Variants in ADAP1 observed in about 807,000 individuals in gnomAD.
The protein encoded by ADAP1 is arf-GAP with dual PH domain-containing protein 1.
ADAP1 carries 31 observed loss-of-function variants against 54.9 expected under a neutral mutation model. That is an observed-to-expected ratio of 0.56 (90% CI 0.42 to 0.76). The LOEUF (loss-of-function observed/expected upper bound fraction) is 0.76. Ranked by LOEUF, ADAP1 falls within the 30% of genes least tolerant of loss-of-function variation. The pLI is 0.00. For missense variants in ADAP1, 535 were observed against 512.4 expected, an observed-to-expected ratio of 1.04 and a Z score of -0.42; for synonymous variants, 313 against 202.6, an observed-to-expected ratio of 1.55 and a Z score of -4.63.
At chr7:919,902 G>C (rs1483775100) in intron 4 of ADAP1, 66 bp downstream of exon 4, 1 of 1,243,114 alleles carries the variant, frequency 8.0e-7, no homozygotes, top group South Asian at 1.3e-5. Flanking sequence ...GGAAAGAGAT[G>C]GGGGAGGGAG....
Position 917,690 on chromosome 7 carries a change from G to A in ADAP1, c.388+2278C>T, listed in dbSNP as rs563003970. ...CGTTGACCAGATTGGTCTCGAACTC[G>A]TGGTCTCAAGTGATCCATCCGCCCG... On this transcript the variant is annotated intron_variant, in intron 4 of 10. Coordinates refer to ENST00000265846, the MANE Select transcript of ADAP1 (RefSeq NM_006869.4). 3.3e-5 allele frequency among the ~76,000 whole-genome samples: 5 copies of A among 152,226 alleles called. No individual in the cohort carries two copies. The South Asian group carries it at 6.2e-4, about 19-fold the overall frequency.
chr7:902,906 T>C (rs1844893459), intron 6 of ADAP1, among the ~76,000 whole-genome samples: 1 of 152,324 alleles, frequency 6.6e-6, no homozygotes, highest in African/African-American at 2.4e-5. Flanking sequence ...TAGAATTCTA[T>C]ATCTAGCCAC....
At chr7:921,242 C>A (rs1162492030) in intron 3 of ADAP1, among the ~76,000 whole-genome samples, 3 of 152,248 alleles carry the variant, frequency 2.0e-5, no homozygotes. Flanking sequence ...CTCACCTGGC[C>A]TTCCCTGTGG....
At chr7:902,711 C>CA (rs1844882938) in intron 6 of ADAP1, among the ~76,000 whole-genome samples, 2 of 151,912 alleles carry the variant, frequency 1.3e-5, no homozygotes, top group South Asian at 4.2e-4. Flanking sequence ...TCCCTGACCT[C>CA]ATGGAAACCA....
At chr7:947,386 C>T (rs1847167645) in intron 1 of ADAP1, among the ~76,000 whole-genome samples, 2 of 151,860 alleles carry the variant, frequency 1.3e-5, no homozygotes, top group African/African-American at 4.8e-5. Flanking sequence ...GAGAGAGAGA[C>T]ATTCACACAC....
intron 4 of ADAP1, among the ~76,000 whole-genome samples, chr7:914,183 G>C (rs1007527013): frequency 1.3e-5 from 2 of 152,230 alleles, no homozygotes; most frequent in African/African-American, 2.4e-5. Flanking sequence ...TTCCAGGGCA[G>C]ACCTGCAGCC....
chr7:928,824 G>C (rs1208069651), intron 2 of ADAP1, among the ~76,000 whole-genome samples: 2 of 152,234 alleles, frequency 1.3e-5, no homozygotes, highest in African/African-American at 4.8e-5. Context: ...AGTTACCATA[G>C]AGTCCAGCGA....
At chr7:949,252 C>T (rs747388847) in intron 1 of ADAP1, among the ~76,000 whole-genome samples, 71 of 152,336 alleles carry the variant, frequency 4.7e-4, no homozygotes, top group Non-Finnish European at 7.5e-4. Context: ...TCTGCCTCCC[C>T]CGGGCACATG....
intron 4 of ADAP1, among the ~76,000 whole-genome samples, chr7:910,881 G>T (rs1845695235): frequency 6.6e-6 from 1 of 152,188 alleles, no homozygotes; most frequent in African/African-American, 2.4e-5. Flanking sequence ...CGGCCTTTGG[G>T]TCCTAGTGGC....
Position 899,133 on chromosome 7 carries a change from G to C in ADAP1, c.996C>G (p.Arg332=). 6.2e-7 allele frequency: 1 copy of C among 1,610,010 alleles called. No individual in the cohort carries two copies. The part of the protein sequence containing the change: ...PHGITIVTPD[R]KFLFACETES... ...CCGTCTCGCAGGCAAACAGAAACTT[G>C]CGGTCGGGCGTGACGATGGTGATGC... is the stretch of plus-strand genomic sequence containing the variant. The change falls in exon 10 of 11, where the codon CGC becomes CGG. Residue 332 remains arginine (R), a synonymous_variant. Coordinates refer to ENST00000265846, the MANE Select transcript of ADAP1 (RefSeq NM_006869.4).
intron 4 of ADAP1, among the ~76,000 whole-genome samples, chr7:916,986 T>G (rs10233428): frequency 0.84 from 56,173 of 66,716 alleles, 23,135 homozygotes; most frequent in East Asian, 0.95. Flanking sequence ...ACAGGAGGGG[T>G]GCGCAGTGCC....
chr7:940,786 G>A (rs1313518512), intron 1 of ADAP1, among the ~76,000 whole-genome samples: 1 of 152,092 alleles, frequency 6.6e-6, no homozygotes, highest in African/African-American at 2.4e-5. Flanking sequence ...GATCAACAGG[G>A]GTTTTTACCA....
intron 2 of ADAP1, among the ~76,000 whole-genome samples, chr7:934,983 T>C (rs1846702698): frequency 6.6e-6 from 1 of 152,176 alleles, no homozygotes; most frequent in African/African-American, 2.4e-5. Context: ...TGACTCTGGG[T>C]CGTGCCGCGC....
chr7:925,147 G>A (rs909814572), intron 3 of ADAP1, among the ~76,000 whole-genome samples: 1 of 152,050 alleles, frequency 6.6e-6, no homozygotes, highest in Non-Finnish European at 1.5e-5. Flanking sequence ...ACCTGGACGG[G>A]GGCCTCGTGA....
intron 1 of ADAP1, among the ~76,000 whole-genome samples, chr7:950,730 G>A (rs1847246805): frequency 6.6e-6 from 1 of 151,062 alleles, no homozygotes; most frequent in Non-Finnish European, 1.5e-5. Context: ...GGTGGCAGGC[G>A]CCTGTAATCC....
At chr7:911,079 C>T (rs1295288472) in intron 4 of ADAP1, among the ~76,000 whole-genome samples, 8 of 152,154 alleles carry the variant, frequency 5.3e-5, no homozygotes, top group African/African-American at 1.2e-4. Flanking sequence ...CGTCTGGGGC[C>T]GGCAGAGGCT....
At chr7:901,350 C>T (rs1165573179) in intron 6 of ADAP1, 2 of 231,474 alleles carry the variant, frequency 8.6e-6, no homozygotes, top group East Asian at 1.3e-4. Context: ...GTTCAGCCTA[C>T]AGCCTGGAGC....
chr7:950,252 G>A (rs879244070), intron 1 of ADAP1, among the ~76,000 whole-genome samples: 20 of 152,170 alleles, frequency 1.3e-4, no homozygotes, highest in Non-Finnish European at 2.6e-4. Context: ...TCGGGAGGCC[G>A]AGGCAGGCGG....
chr7:906,686 A>AT (rs1562915145), intron 4 of ADAP1, among the ~76,000 whole-genome samples: 5 of 66,262 alleles, frequency 7.5e-5, no homozygotes, highest in African/African-American at 4.0e-4. Flanking sequence ...GACAGGGGAC[A>AT]CGGGGGACAT....
Sources: gnomAD v4.1 joint callset for allele counts (sites outside exome capture counted in the v4.1 genomes callset) on GRCh38, gnomAD v4.1.1 for gene constraint, MANE v1.5 for transcripts, NCBI Gene and HGNC (gene_info 2026-07-23, HGNC 2026-07-21) for gene names.